GALNT10: variants seen among roughly 807,000 people sequenced by gnomAD.
The protein encoded by GALNT10 is polypeptide N-acetylgalactosaminyltransferase 10.
GALNT10 carries 41 observed loss-of-function variants against 75.0 expected under a neutral mutation model. The ratio of observed to expected loss-of-function variants is 0.55; its 90% CI spans 0.43 to 0.71. The LOEUF is 0.71. Among genes scored for constraint, GALNT10 ranks in the 30% least tolerant of loss-of-function variants. The pLI is 0.00. For missense variants in GALNT10, 727 were observed against 818.5 expected, an observed-to-expected ratio of 0.89 and a Z score of 1.36; for synonymous variants, 302 against 313.0, an observed-to-expected ratio of 0.96 and a Z score of 0.37.
intron 1 of GALNT10, among the ~76,000 whole-genome samples, chr5:154,273,849 C>T: frequency 6.6e-6 from 1 of 152,178 alleles, no homozygotes; most frequent in East Asian, 1.9e-4. Context: ...ACACTTTTCA[C>T]ATAATCTTAT....
chr5:154,302,849 C>T (rs868341479), intron 3 of GALNT10, among the ~76,000 whole-genome samples: 1 of 152,004 alleles, frequency 6.6e-6, no homozygotes, highest in African/African-American at 2.4e-5. Context: ...ATAATAGTCC[C>T]GTATTATATT....
intron 4 of GALNT10, chr5:154,337,376 T>C: frequency 1.8e-6 from 1 of 555,508 alleles, no homozygotes; most frequent in Non-Finnish European, 3.3e-6. Flanking sequence ...CCATTGTGCT[T>C]GGCTGAGTTC....
intron 4 of GALNT10, among the ~76,000 whole-genome samples, chr5:154,340,876 T>C (rs1222605213): frequency 2.0e-5 from 3 of 152,220 alleles, no homozygotes; most frequent in African/African-American, 4.8e-5. Flanking sequence ...TAGGCGACAG[T>C]TGACAACTCT....
In GALNT10 at chr5:154,352,371, C is replaced by G. The variant is rs1755218137; in HGVS notation, c.568+22633C>G. On this transcript the variant is annotated intron_variant, in intron 4 of 11. Transcript: ENST00000297107. This position sits in a 1 kb window ranked among gnomAD's most constrained non-coding sequence, Gnocchi z 4.4. Reference sequence around the variant, plus strand: ...TCACCTGTTTAATTTGGGTTTCCACCTGGGGATCCTGGCCCTAGATAAAGT... The same window carrying G: ...TCACCTGTTTAATTTGGGTTTCCACGTGGGGATCCTGGCCCTAGATAAAGT... Among the ~76,000 whole-genome samples, 1 of 152,216 alleles carries G rather than the reference C, an allele frequency of 6.6e-6. No individual in the cohort carries two copies. Among genetic ancestry groups the G allele is most frequent in the African/African-American group, 2.4e-5 (1 of 41,460 alleles).
intron 4 of GALNT10, among the ~76,000 whole-genome samples, chr5:154,365,763 G>A (rs1157170409): frequency 1.3e-5 from 2 of 152,016 alleles, no homozygotes; most frequent in African/African-American, 4.8e-5. Context: ...ACCACACTCA[G>A]CCTTACTGGT....
Position 154,386,382 on chromosome 5 carries a change from C to G in GALNT10, c.1008C>G (p.Asp336Glu). 1 of 1,613,928 alleles carries G rather than the reference C, an allele frequency of 6.2e-7. No homozygotes were observed. The highest frequency in any genetic ancestry group is 8.5e-7 in the Non-Finnish European group (1 of 1,179,850). The change falls in exon 7 of 12, where the codon GAC becomes GAG. Residue 336 changes from aspartate to glutamate, a missense_variant. By Grantham distance (45) the Asp-to-Glu change is conservative (BLOSUM62 2). Transcript: ENST00000297107. ...RKWFWELGGY[D>E]PGLEIWGGEQ... ...GGTTCTGGGAACTCGGCGGGTATGACCCAGGCTTGGAGATCTGGGGAGGGG... is the reference window on the plus strand; with the variant it reads ...GGTTCTGGGAACTCGGCGGGTATGAGCCAGGCTTGGAGATCTGGGGAGGGG...
chr5:154,308,119 G>A (rs541095225), intron 3 of GALNT10, among the ~76,000 whole-genome samples: 6 of 151,098 alleles, frequency 4.0e-5, no homozygotes, highest in South Asian at 2.1e-4. Context: ...TAGTAGCCAC[G>A]TGGGTAAATA....
At chr5:154,238,188 C>T (rs562278189) in intron 1 of GALNT10, among the ~76,000 whole-genome samples, 3 of 152,066 alleles carry the variant, frequency 2.0e-5, no homozygotes, top group Admixed American at 6.5e-5. Context: ...TTCCCACAGG[C>T]GTGGAAAGGA....
At position 154,250,337 on chromosome 5, in the gene GALNT10, G is replaced by A. The variant is rs564073553; in HGVS notation, c.160-44479G>A. Among the ~76,000 whole-genome samples, 72 of 152,262 alleles carry A rather than the reference G, an allele frequency of 4.7e-4. 1 individual carries two copies. The South Asian group carries it at 0.012, about 26-fold the overall frequency. The stretch of plus-strand genomic sequence containing the variant: ...TAAATTATTTTTCGATAAAGCCCAT[G>A]CATCATTTTGGCTGCTTCAGCTGCA... On this transcript the variant is annotated intron_variant, in intron 1 of 11. Transcript: ENST00000297107.
intron 1 of GALNT10, among the ~76,000 whole-genome samples, chr5:154,205,059 G>A (rs907709734): frequency 3.3e-5 from 5 of 152,018 alleles, no homozygotes; most frequent in African/African-American, 9.7e-5. Context: ...CCACTCCTCC[G>A]TGTTTCATTT....
At chr5:154,347,123 G>GATCT (rs1755134748) in intron 4 of GALNT10, 1 of 515,570 alleles carries the variant, frequency 1.9e-6, no homozygotes, top group African/African-American at 2.0e-5. Context: ...TGTGTGCCAA[G>GATCT]ATCTGTTCAT....
intron 3 of GALNT10, among the ~76,000 whole-genome samples, chr5:154,301,567 T>G (rs1391767267): frequency 6.6e-6 from 1 of 151,194 alleles, no homozygotes; most frequent in African/African-American, 2.4e-5. Flanking sequence ...TTTTTGTTTT[T>G]TTTTTTTTTT....
chr5:154,333,909 A>G (rs946992371), intron 4 of GALNT10, among the ~76,000 whole-genome samples: 4 of 152,234 alleles, frequency 2.6e-5, no homozygotes, highest in Non-Finnish European at 5.9e-5. Context: ...AGAAATTCTC[A>G]AGGCAGCTTT....
At chr5:154,225,942 T>C (rs576922223) in intron 1 of GALNT10, among the ~76,000 whole-genome samples, 1 of 152,026 alleles carries the variant, frequency 6.6e-6, no homozygotes, top group African/African-American at 2.4e-5. Context: ...ATGAGAACAC[T>C]TGGACACAGG....
At chr5:154,360,002 T>C (rs1755358750) in intron 4 of GALNT10, among the ~76,000 whole-genome samples, 1 of 152,062 alleles carries the variant, frequency 6.6e-6, no homozygotes, top group Non-Finnish European at 1.5e-5. Context: ...CCTGGAGAAT[T>C]CTTCACTATT....
chr5:154,365,539 T>C (rs1261311249), intron 4 of GALNT10, among the ~76,000 whole-genome samples: 1 of 152,210 alleles, frequency 6.6e-6, no homozygotes. Flanking sequence ...TCTTGGGCAG[T>C]AATCTAGAGT....
At chr5:154,310,537 G>A (rs983718274) in intron 3 of GALNT10, among the ~76,000 whole-genome samples, 9 of 151,642 alleles carry the variant, frequency 5.9e-5, no homozygotes, top group South Asian at 4.2e-4. Context: ...GCGTGATCTC[G>A]GCTCACTGCA....
Position 154,409,719 on chromosome 5 carries a change from A to G in GALNT10, c.1343A>G (p.Lys448Arg), listed in dbSNP as rs747389070. 4 of 1,614,030 alleles carry G rather than the reference A, an allele frequency of 2.5e-6. No homozygotes were observed. The African/African-American group carries it at 5.3e-5, about 22-fold the overall frequency. The change falls in exon 9 of 12, where the codon AAA becomes AGA. Residue 448 changes from lysine to arginine, a missense_variant. Physicochemically the swap from Lys to Arg is conservative, Grantham distance 26 (BLOSUM62 2). Transcript: ENST00000297107. This position sits in a 1 kb window ranked among gnomAD's most constrained non-coding sequence, Gnocchi z 4.5. ...FMTKIAWDLP[K>R]FYPPVEPPAA... Reference sequence around the variant, plus strand: ...ACGAAGATAGCCTGGGACCTGCCCAAATTCTACCCACCCGTGGAGCCCCCG... The same window carrying G: ...ACGAAGATAGCCTGGGACCTGCCCAGATTCTACCCACCCGTGGAGCCCCCG...
intron 1 of GALNT10, among the ~76,000 whole-genome samples, chr5:154,259,371 G>T (rs545853355): frequency 6.6e-6 from 1 of 152,124 alleles, no homozygotes; most frequent in Non-Finnish European, 1.5e-5. Context: ...TCATATCAGG[G>T]CATAGTCCTG....
Sources: gnomAD v4.1 joint callset for allele counts (sites outside exome capture counted in the v4.1 genomes callset) on GRCh38, gnomAD v4.1.1 for gene constraint, Gnocchi (gnomAD v3.1) non-coding constraint, MANE v1.5 for transcripts, NCBI Gene and HGNC (gene_info 2026-07-23, HGNC 2026-07-21) for gene names.